The following HEG1 variants were observed in gnomAD, a reference collection of about 807,000 sequenced individuals.
HEG1 encodes the protein heart development protein with EGF like domains 1.
HEG1 carries 56 observed loss-of-function variants against 125.6 expected under a neutral mutation model. The observed-to-expected ratio is 0.45, with a 90% CI of 0.36 to 0.56. The LOEUF (loss-of-function observed/expected upper bound fraction) is 0.56. Ranked by LOEUF, HEG1 falls within the 20% of genes least tolerant of loss-of-function variation. The probability of loss-of-function intolerance (pLI) is 0.00; values close to 1 mark genes in which losing one functional copy is unlikely to be tolerated. For missense variants in HEG1, 1,523 were observed against 1,670.0 expected (o/e 0.91, Z 1.53); for synonymous variants, 644 against 668.5 (o/e 0.96, Z 0.57).
At chr3:124,995,862 T>G (rs1936913827) in intron 12 of HEG1, among the ~76,000 whole-genome samples, 1 of 152,184 alleles carries the variant, frequency 6.6e-6, no homozygotes, top group Non-Finnish European at 1.5e-5. Context: ...AGCCTGTAAC[T>G]GAAACAATTA....
intron 14 of HEG1, among the ~76,000 whole-genome samples, chr3:124,986,661 C>T (rs1034223444): frequency 2.6e-5 from 4 of 152,298 alleles, no homozygotes; most frequent in South Asian, 2.1e-4. Context: ...GATAGGCGGC[C>T]GGTTCTAAAA....
At chr3:125,004,716 T>TAA (rs5852436) in intron 9 of HEG1, among the ~76,000 whole-genome samples, 1 of 145,946 alleles carries the variant, frequency 6.9e-6, no homozygotes, top group Admixed American at 6.8e-5. Flanking sequence ...CATTTTTCTT[T>TAA]AAAAAAAAAA....
chr3:125,021,258 T>C lies in HEG1; in HGVS notation c.914-128A>G, dbSNP rs533206236. On this transcript the variant is annotated intron_variant, in intron 3 of 16. Coordinates refer to ENST00000311127, the MANE Select transcript of HEG1 (RefSeq NM_020733.2). ...CTAAATACCATGGACCTAATATAGA[T>C]ACAAACATATCTATACACACGCATG... The C allele has an allele frequency of 1.5e-5, 10 of 684,338 alleles. No homozygotes were observed. In the African/African-American group the frequency reaches 1.6e-4, roughly 11 times the overall value. 42.4% of individuals were successfully genotyped at this position (684,338 alleles called of 1,614,324 possible).
intron 1 of HEG1, among the ~76,000 whole-genome samples, chr3:125,031,256 G>A (rs1937493899): frequency 1.3e-5 from 2 of 152,132 alleles, no homozygotes; most frequent in Non-Finnish European, 1.5e-5. Context: ...CCAAAGCTGG[G>A]CCACTGCTGA....
chr3:125,044,320 A>C (rs1232883215), intron 1 of HEG1, among the ~76,000 whole-genome samples: 2 of 152,262 alleles, frequency 1.3e-5, no homozygotes, highest in African/African-American at 2.4e-5. Context: ...CCATTTAAGA[A>C]AGATAAAACA....
chr3:125,042,763 C>A (rs1389401863), intron 1 of HEG1, among the ~76,000 whole-genome samples: 1 of 152,186 alleles, frequency 6.6e-6, no homozygotes, highest in African/African-American at 2.4e-5. Flanking sequence ...CAAGGGTCCT[C>A]CGGATGAGGG....
chr3:124,976,502 T>G (rs1034371158), intron 15 of HEG1, among the ~76,000 whole-genome samples: 1 of 152,094 alleles, frequency 6.6e-6, no homozygotes, highest in Non-Finnish European at 1.5e-5. Context: ...TTTCTATTTT[T>G]TTTTTTTTTA....
At chr3:124,992,681 A>C (rs561728191) in intron 12 of HEG1, among the ~76,000 whole-genome samples, 3 of 152,328 alleles carry the variant, frequency 2.0e-5, no homozygotes, top group African/African-American at 7.2e-5. Flanking sequence ...GATGTGTTGA[A>C]TCTTCTTCCT....
intron 4 of HEG1, 36 bp downstream of exon 4, chr3:125,020,756 T>C (rs376636760): frequency 6.7e-4 from 1,022 of 1,534,794 alleles, no homozygotes; most frequent in Non-Finnish European, 8.6e-4. Context: ...GATTTACAAA[T>C]GTCCCTAATA....
At chr3:124,997,667 C>G in intron 12 of HEG1, 22 bp downstream of exon 12, 3 of 1,554,056 alleles carry the variant, frequency 1.9e-6, no homozygotes, top group Non-Finnish European at 2.6e-6. Flanking sequence ...GGGCACAGAA[C>G]CCCAGGCGAA....
chr3:125,029,205 A>C lies in HEG1; in HGVS notation c.600T>G (p.Ser200Arg). 2 of 1,611,844 alleles carry C rather than the reference A, an allele frequency of 1.2e-6. No individual in the cohort carries two copies. The highest frequency in any genetic ancestry group is 1.7e-6 in the Non-Finnish European group (2 of 1,179,054). The change falls in exon 2 of 17, where the codon AGT becomes AGG. Residue 200 changes from serine (S) to arginine (R), a missense_variant. Ser to Arg is a moderately radical substitution (Grantham distance 110). Coordinates refer to ENST00000311127, the MANE Select transcript of HEG1 (RefSeq NM_020733.2). ...LEIATALTSQ[S>R]GNLASESLHL... The stretch of plus-strand genomic sequence containing the variant: ...TCAGCACAAGCTCACCTAAGTTGCC[A>C]CTCTGGGAAGTCAGAGCTGTTGCTA...
Position 125,012,666 on chromosome 3 carries a change from C to T in HEG1, c.2913G>A (p.Gln971=). 6.2e-7 allele frequency: 1 copy of T among 1,613,778 alleles called. No individual in the cohort carries two copies. Among genetic ancestry groups the T allele is most frequent in the Admixed American group, 1.7e-5 (1 of 59,994 alleles). Residue 971 remains glutamine, a synonymous_variant, in exon 6 of 17, where the codon CAG becomes CAA. Transcript: ENST00000311127. Reference sequence around the variant, plus strand: ...CTGTTGTTGGTGACTGTGTGCTGCTCTGAACAGCAAAGGTGGCAGATTTGG... The same window carrying T: ...CTGTTGTTGGTGACTGTGTGCTGCTTTGAACAGCAAAGGTGGCAGATTTGG... ...LAPKSATFAV[Q]SSTQSPTTVS...
At chr3:125,048,249 C>T (rs1937709585) in intron 1 of HEG1, among the ~76,000 whole-genome samples, 1 of 152,230 alleles carries the variant, frequency 6.6e-6, no homozygotes, top group Non-Finnish European at 1.5e-5. Flanking sequence ...CTAGACTTTG[C>T]AGATGGTCTT....
At chr3:125,044,680 T>C (rs781106377) in intron 1 of HEG1, among the ~76,000 whole-genome samples, 1 of 151,676 alleles carries the variant, frequency 6.6e-6, no homozygotes, top group Non-Finnish European at 1.5e-5. Flanking sequence ...GCAATGAAAA[T>C]CCAGTTTAAA....
chr3:125,011,589 T>C (rs1287377729), intron 6 of HEG1, among the ~76,000 whole-genome samples: 4 of 152,156 alleles, frequency 2.6e-5, no homozygotes, highest in Admixed American at 1.3e-4. Flanking sequence ...CACCTTTCAT[T>C]TCCCAGAGGT....
chr3:125,053,339 G>C (rs1303030411), intron 1 of HEG1, among the ~76,000 whole-genome samples: 4 of 152,180 alleles, frequency 2.6e-5, no homozygotes, highest in Non-Finnish European at 5.9e-5. Context: ...TGAAATCACT[G>C]AACACTGGTT....
intron 11 of HEG1, among the ~76,000 whole-genome samples, chr3:125,001,012 A>C (rs1286791796): frequency 1.3e-5 from 2 of 152,236 alleles, no homozygotes; most frequent in Non-Finnish European, 2.9e-5. Flanking sequence ...TCTAAGACCA[A>C]AACTTCCCTT....
At chr3:124,998,512 T>C (rs1936957435) in intron 11 of HEG1, among the ~76,000 whole-genome samples, 1 of 152,162 alleles carries the variant, frequency 6.6e-6, no homozygotes, top group Non-Finnish European at 1.5e-5. Flanking sequence ...GGGTCTTCAG[T>C]GCCTGGCACA....
chr3:125,039,713 TA>T (rs1487028678), intron 1 of HEG1, among the ~76,000 whole-genome samples: 2 of 151,938 alleles, frequency 1.3e-5, no homozygotes, highest in African/African-American at 4.8e-5. Context: ...TCAGAAAGAT[TA>T]AGTGATTGTT....
Sources: gnomAD v4.1 joint callset for allele counts (sites outside exome capture counted in the v4.1 genomes callset) on GRCh38, gnomAD v4.1.1 for gene constraint, MANE v1.5 for transcripts, NCBI Gene and HGNC (gene_info 2026-07-23, HGNC 2026-07-21) for gene names.